The following NRP1 variants were observed in gnomAD, a reference collection of about 807,000 sequenced individuals.
NRP1 encodes neuropilin-1.
NRP1 carries 35 observed loss-of-function variants against 106.7 expected under a neutral mutation model. The observed-to-expected ratio is 0.33, with a 90% CI of 0.25 to 0.43. The LOEUF is 0.43. Ranked by LOEUF, NRP1 falls within the 20% of genes least tolerant of loss-of-function variation. The pLI, the probability that NRP1 is intolerant of heterozygous loss-of-function variation, is 1.00. For synonymous variants in NRP1, 437 were observed against 417.9 expected (o/e 1.05, Z -0.56); for missense variants, 1,024 against 1,170.4 (o/e 0.87, Z 1.83).
At chr10:33,282,128 G>T (rs201493674) in intron 2 of NRP1, among the ~76,000 whole-genome samples, 67 of 149,432 alleles carry the variant, frequency 4.5e-4, no homozygotes, top group Non-Finnish European at 8.2e-4. Flanking sequence ...ACCATAGTAT[G>T]TTTTTTTTTT....
At chr10:33,232,350 T>A (rs1326283566) in intron 6 of NRP1, among the ~76,000 whole-genome samples, 9 of 152,214 alleles carry the variant, frequency 5.9e-5, no homozygotes. Context: ...TTTGAAAGAA[T>A]ATCATTATTT....
At chr10:33,260,848 C>T (rs977408759) in intron 4 of NRP1, among the ~76,000 whole-genome samples, 13 of 151,954 alleles carry the variant, frequency 8.6e-5, no homozygotes, top group Non-Finnish European at 1.6e-4. Flanking sequence ...AACATAAAAT[C>T]ACTTGATGGT....
chr10:33,216,816 A>T (rs1268802688), intron 8 of NRP1, among the ~76,000 whole-genome samples: 1 of 152,066 alleles, frequency 6.6e-6, no homozygotes, highest in Non-Finnish European at 1.5e-5. Flanking sequence ...TTCTTTGAGG[A>T]CACGAACTAA....
rs1378724925 is a variant in NRP1 at position 33,256,283 on chromosome 10, C to T, written c.814+33G>A. 8.7e-6 allele frequency: 14 copies of T among 1,609,770 alleles called. 1 individual carries two copies. The highest frequency in any genetic ancestry group is 1.1e-5 in the Non-Finnish European group (13 of 1,176,402). On this transcript the variant is annotated intron_variant, in intron 5 of 16. Coordinates refer to ENST00000374867, the MANE Select transcript of NRP1 (RefSeq NM_003873.7). ...GAGCAGGAATAACATTGAGTATTTA[C>T]CACAGGGCTTTGCAAAATGAATAAA...
chr10:33,228,524 G>A (rs908979793), intron 6 of NRP1, among the ~76,000 whole-genome samples: 1 of 152,166 alleles, frequency 6.6e-6, no homozygotes, highest in Non-Finnish European at 1.5e-5. Flanking sequence ...CATGGGCCAC[G>A]AACACTTAAA....
At chr10:33,262,029 C>T (rs1308902159) in intron 4 of NRP1, among the ~76,000 whole-genome samples, 1 of 152,202 alleles carries the variant, frequency 6.6e-6, no homozygotes, top group Non-Finnish European at 1.5e-5. Flanking sequence ...AGCCACAGCA[C>T]CCGGTCTACA....
intron 10 of NRP1, among the ~76,000 whole-genome samples, chr10:33,203,768 C>G (rs1837541709): frequency 1.5e-5 from 1 of 65,734 alleles, no homozygotes; most frequent in East Asian, 1.9e-3. Flanking sequence ...GAGTCTCGCT[C>G]TGTCGCCCAG....
intron 2 of NRP1, among the ~76,000 whole-genome samples, chr10:33,274,669 G>T (rs1447093923): frequency 6.6e-6 from 1 of 152,122 alleles, no homozygotes; most frequent in Non-Finnish European, 1.5e-5. Context: ...CCTCCACAGG[G>T]TGTTGTCTGA....
At chr10:33,219,826 A>T (rs1260686181) in intron 8 of NRP1, among the ~76,000 whole-genome samples, 1 of 152,186 alleles carries the variant, frequency 6.6e-6, no homozygotes, top group East Asian at 1.9e-4. Context: ...TTTTTTAAAT[A>T]CAATGACATG....
At chr10:33,185,118 T>G (rs1835916250) in intron 15 of NRP1, among the ~76,000 whole-genome samples, 1 of 152,240 alleles carries the variant, frequency 6.6e-6, no homozygotes, top group South Asian at 2.1e-4. Context: ...CTCATTGAAG[T>G]CCTTTAAGTC....
intron 2 of NRP1, among the ~76,000 whole-genome samples, chr10:33,309,971 G>A (rs1307956571): frequency 1.3e-5 from 2 of 148,220 alleles, no homozygotes; most frequent in Admixed American, 6.7e-5. Flanking sequence ...TTTTTGAGAC[G>A]GAGTCTCGCT....
At chr10:33,200,432 T>C (rs1378401472) in intron 11 of NRP1, among the ~76,000 whole-genome samples, 2 of 152,228 alleles carry the variant, frequency 1.3e-5, no homozygotes, top group Non-Finnish European at 2.9e-5. Flanking sequence ...TGGAATTTGG[T>C]GTGGTTTGTA....
At chr10:33,207,439 T>C (rs998689627) in intron 10 of NRP1, 133 bp downstream of exon 10, 4 of 886,704 alleles carry the variant, frequency 4.5e-6, no homozygotes, top group South Asian at 1.7e-5. Context: ...GTCTCACTGA[T>C]GGGCAGGCAC....
chr10:33,308,525 C>T lies in NRP1; in HGVS notation c.248+22183G>A, dbSNP rs374494778. Among the ~76,000 whole-genome samples, 33 of 151,714 alleles carry T rather than the reference C, an allele frequency of 2.2e-4. 1 individual carries two copies. Among genetic ancestry groups the T allele is most frequent in the East Asian group, 1.5e-3 (8 of 5,182 alleles). ...TTTTTGAGATGGAGTCTCACTCTGT[C>T]GCCCACGCTGGAGTTTAGTGGCGCG... On this transcript the variant is annotated intron_variant, in intron 2 of 16. Coordinates refer to ENST00000374867, the MANE Select transcript of NRP1 (RefSeq NM_003873.7).
At chr10:33,196,615 T>G (rs1836804526) in intron 12 of NRP1, among the ~76,000 whole-genome samples, 1 of 152,214 alleles carries the variant, frequency 6.6e-6, no homozygotes, top group Admixed American at 6.5e-5. Context: ...AGAGGGTGTC[T>G]GGGCTGTGTG....
intron 11 of NRP1, among the ~76,000 whole-genome samples, chr10:33,199,622 G>A (rs765381625): frequency 4.6e-5 from 7 of 151,448 alleles, no homozygotes; most frequent in Non-Finnish European, 7.4e-5. Flanking sequence ...CTGTTATTAC[G>A]TAGGTGGTTG....
At chr10:33,256,990 G>A (rs1842240141) in intron 4 of NRP1, among the ~76,000 whole-genome samples, 1 of 152,168 alleles carries the variant, frequency 6.6e-6, no homozygotes, top group South Asian at 2.1e-4. Context: ...GCTTCCTCAT[G>A]CTATCTTTTA....
intron 2 of NRP1, among the ~76,000 whole-genome samples, chr10:33,326,311 G>A (rs1180967611): frequency 6.6e-6 from 1 of 152,090 alleles, no homozygotes; most frequent in Admixed American, 6.5e-5. Context: ...TAACTAGTTC[G>A]ATGTACATAC....
intron 6 of NRP1, among the ~76,000 whole-genome samples, chr10:33,245,200 T>C: frequency 6.6e-6 from 1 of 152,206 alleles, no homozygotes; most frequent in East Asian, 1.9e-4. Flanking sequence ...AGGCTGATTA[T>C]ATGAAAAAAA....
Sources: gnomAD v4.1 joint callset for allele counts (sites outside exome capture counted in the v4.1 genomes callset) on GRCh38, gnomAD v4.1.1 for gene constraint, MANE v1.5 for transcripts, NCBI Gene and HGNC (gene_info 2026-07-23, HGNC 2026-07-21) for gene names.